Variants in PAPPA2 observed in about 807,000 individuals in gnomAD.
The protein encoded by PAPPA2 is pappalysin 2.
A neutral mutation model predicts 176.4 loss-of-function variants in PAPPA2; 86 were observed. The ratio of observed to expected loss-of-function variants is 0.49; its 90% CI spans 0.41 to 0.58. The LOEUF is 0.58. Ranked by LOEUF, PAPPA2 falls within the 20% of genes least tolerant of loss-of-function variation. The pLI is 0.00. For synonymous variants in PAPPA2, 809 were observed against 852.2 expected (o/e 0.95, Z 0.88); for missense variants, 2,073 against 2,256.9 (o/e 0.92, Z 1.65).
intron 1 of PAPPA2, among the ~76,000 whole-genome samples, chr1:176,468,943 A>C (rs1651753542): frequency 6.6e-6 from 1 of 152,240 alleles, no homozygotes; most frequent in South Asian, 2.1e-4. Flanking sequence ...GCATCATTTC[A>C]TTAAACACTC....
At chr1:176,801,337 T>C (rs1015393530) in intron 21 of PAPPA2, among the ~76,000 whole-genome samples, 1 of 152,090 alleles carries the variant, frequency 6.6e-6, no homozygotes, top group Non-Finnish European at 1.5e-5. Context: ...CCAACCCACA[T>C]GCATGTCAAG....
intron 2 of PAPPA2, among the ~76,000 whole-genome samples, chr1:176,582,315 C>G (rs1249705638): frequency 6.6e-6 from 1 of 152,138 alleles, no homozygotes. Flanking sequence ...GTTTTCTTCT[C>G]TTGCCTAATT....
intron 1 of PAPPA2, among the ~76,000 whole-genome samples, chr1:176,541,377 G>A (rs1186010495): frequency 1.3e-5 from 2 of 152,228 alleles, no homozygotes; most frequent in African/African-American, 2.4e-5. Context: ...GTTTAGATGT[G>A]TGGTTCTCAA....
Position 176,595,446 on chromosome 1 carries a change from G to T in PAPPA2, c.1842G>T (p.Leu614=). The T allele has an allele frequency of 3.1e-6, 5 of 1,614,188 alleles. No homozygotes were observed. The highest frequency in any genetic ancestry group is 1.3e-5 in the African/African-American group (1 of 75,052). The change falls in exon 3 of 23, where the codon CTG becomes CTT. Residue 614 remains leucine (L), a synonymous_variant. Transcript: ENST00000367662. ...LTGYDGGDCR[L]QGRCYSWNRR... is the part of the protein sequence containing the mutation. ...GCTATGATGGGGGTGACTGCCGCCTGCAGGGCCGCTGCTACTCCTGGAACC... is the reference window on the plus strand; with the variant it reads ...GCTATGATGGGGGTGACTGCCGCCTTCAGGGCCGCTGCTACTCCTGGAACC...
intron 14 of PAPPA2, among the ~76,000 whole-genome samples, chr1:176,756,432 T>A (rs1428322479): frequency 2.0e-5 from 3 of 152,204 alleles, no homozygotes; most frequent in Non-Finnish European, 4.4e-5. Context: ...AGACTCATGT[T>A]GTTCAAGGAT....
intron 3 of PAPPA2, among the ~76,000 whole-genome samples, chr1:176,667,443 A>C (rs1228804499): frequency 6.6e-6 from 1 of 152,108 alleles, no homozygotes; most frequent in Non-Finnish European, 1.5e-5. Context: ...GTAGAGTTCC[A>C]TGCACCTAAG....
intron 21 of PAPPA2, among the ~76,000 whole-genome samples, chr1:176,820,960 C>T (rs12138739): frequency 0.062 from 9,490 of 152,238 alleles, 368 homozygotes; most frequent in Non-Finnish European, 0.087. Flanking sequence ...AATTCCAACA[C>T]ATGAAAAAAG....
chr1:176,701,283 T>C (rs1233839949), intron 8 of PAPPA2, among the ~76,000 whole-genome samples: 2 of 152,232 alleles, frequency 1.3e-5, no homozygotes, highest in African/African-American at 4.8e-5. Flanking sequence ...GCTGAGTTTT[T>C]CCTCAAGAAA....
intron 4 of PAPPA2, among the ~76,000 whole-genome samples, chr1:176,672,454 T>C (rs1401082092): frequency 6.6e-6 from 1 of 152,076 alleles, no homozygotes; most frequent in Non-Finnish European, 1.5e-5. Context: ...AAGCACCTGG[T>C]CATAGTGAAG....
At chr1:176,711,601 C>T (rs1336475874) in intron 11 of PAPPA2, among the ~76,000 whole-genome samples, 1 of 152,108 alleles carries the variant, frequency 6.6e-6, no homozygotes, top group Non-Finnish European at 1.5e-5. Context: ...GTGTAAGACC[C>T]CTGGGCCGAT....
chr1:176,794,490 G>T (rs1054498018), intron 20 of PAPPA2, among the ~76,000 whole-genome samples: 1 of 152,114 alleles, frequency 6.6e-6, no homozygotes, highest in African/African-American at 2.4e-5. Flanking sequence ...GATATCACTA[G>T]CTATCTCCAT....
chr1:176,533,702 T>C (rs1025899553), intron 1 of PAPPA2, among the ~76,000 whole-genome samples: 4 of 152,214 alleles, frequency 2.6e-5, no homozygotes, highest in African/African-American at 9.6e-5. Flanking sequence ...AATGTACCTA[T>C]CACTTGAAGA....
At chr1:176,748,026 T>A (rs1663004848) in intron 14 of PAPPA2, among the ~76,000 whole-genome samples, 1 of 152,238 alleles carries the variant, frequency 6.6e-6, no homozygotes, top group Non-Finnish European at 1.5e-5. Flanking sequence ...AATTTTACAA[T>A]CTTTTGTAAC....
At chr1:176,536,671 A>C (rs1402243841) in intron 1 of PAPPA2, among the ~76,000 whole-genome samples, 1 of 152,204 alleles carries the variant, frequency 6.6e-6, no homozygotes, top group Non-Finnish European at 1.5e-5. Flanking sequence ...GCATCTTCTC[A>C]AGACCATGGC....
Position 176,556,296 on chromosome 1 carries a change from G to A in PAPPA2, c.-27G>A. ...GTGTGGTACCCAGAAGTTGACTTCT[G>A]GTTCTGTAGAAAGAGCTAGGGGAGG... On this transcript the variant is annotated 5_prime_UTR_variant, in exon 2 of 23. Transcript: ENST00000367662. The A allele has an allele frequency of 6.3e-7, 1 of 1,598,836 alleles. No homozygotes were observed. Among genetic ancestry groups the A allele is most frequent in the Non-Finnish European group, 8.5e-7 (1 of 1,172,008 alleles).
intron 2 of PAPPA2, among the ~76,000 whole-genome samples, chr1:176,560,735 C>T (rs1318990924): frequency 1.3e-5 from 2 of 152,236 alleles, no homozygotes; most frequent in African/African-American, 2.4e-5. Context: ...TCCTTTCCCG[C>T]CTTCTCAACT....
At chr1:176,793,791 A>G in intron 20 of PAPPA2, 122 bp downstream of exon 20, 1 of 655,674 alleles carries the variant, frequency 1.5e-6, no homozygotes, top group South Asian at 2.2e-5. Flanking sequence ...AACCACATGG[A>G]TTATTCCTAG....
intron 1 of PAPPA2, among the ~76,000 whole-genome samples, chr1:176,537,077 C>G (rs1233951963): frequency 1.3e-5 from 2 of 152,152 alleles, no homozygotes; most frequent in African/African-American, 4.8e-5. Flanking sequence ...ATACTTTCTC[C>G]ATTCATGGCC....
intron 14 of PAPPA2, among the ~76,000 whole-genome samples, chr1:176,765,250 A>G (rs1453318972): frequency 1.3e-5 from 2 of 152,194 alleles, no homozygotes; most frequent in African/African-American, 4.8e-5. Context: ...CATGCCTGAC[A>G]TAATGAGGGG....
Sources: allele counts gnomAD v4.1 joint callset (sites outside exome capture counted in the v4.1 genomes callset), GRCh38; gene constraint gnomAD v4.1.1; transcripts MANE v1.5; gene names NCBI Gene and HGNC (gene_info 2026-07-23, HGNC 2026-07-21).